Variants in SNPH observed in about 807,000 individuals in gnomAD.
The protein encoded by SNPH is syntaphilin.
In SNPH, 10 loss-of-function variants were observed where a neutral mutation model predicts 36.8. The ratio of observed to expected loss-of-function variants is 0.27; its 90% CI spans 0.17 to 0.46. The LOEUF (loss-of-function observed/expected upper bound fraction) is 0.46. SNPH is among the 20% of genes least tolerant of loss of function. The pLI is 1.00. For synonymous variants in SNPH, 281 were observed against 312.2 expected (o/e 0.90, Z 1.05); for missense variants, 622 against 744.0 (o/e 0.84, Z 1.91).
At chr20:1,300,512 G>A (rs975322862) in intron 5 of SNPH, 50 bp from the exon 6 acceptor site, 2 of 1,609,382 alleles carry the variant, frequency 1.2e-6, no homozygotes, top group East Asian at 2.2e-5. Flanking sequence ...AAGCACCTGT[G>A]CCTTGCCTGA....
Position 1,296,408 on chromosome 20 carries a change from G to A in SNPH, c.169G>A (p.Ala57Thr), listed in dbSNP as rs2088435433. 1 of 1,601,348 alleles carries A rather than the reference G, an allele frequency of 6.2e-7. No homozygotes were observed. The highest frequency in any genetic ancestry group is 1.4e-5 in the African/African-American group (1 of 73,892). ...CCTGCCAGGAAGTAGACGGACCTCT[G>A]CTGGATCACGCAGGTGAGTCTCCCC... Reference protein sequence around the residue: ...MSLPGSRRTSAGSRRRTSPPV... With the variant: ...MSLPGSRRTSTGSRRRTSPPV... Residue 57 changes from alanine to threonine, a missense_variant, in exon 4 of 7, where the codon GCT becomes ACT. Physicochemically the swap from Ala to Thr is moderately conservative, Grantham distance 58. Coordinates refer to ENST00000381867, the MANE Select transcript of SNPH (RefSeq NM_001318234.2).
At chr20:1,301,571 A>G (rs1178333164) in intron 6 of SNPH, among the ~76,000 whole-genome samples, 3 of 152,042 alleles carry the variant, frequency 2.0e-5, no homozygotes, top group Non-Finnish European at 2.9e-5. Context: ...TCACCTATCA[A>G]AAGTGTACAA....
At chr20:1,298,434 G>T (rs961450240) in intron 5 of SNPH, among the ~76,000 whole-genome samples, 2 of 152,194 alleles carry the variant, frequency 1.3e-5, no homozygotes, top group Non-Finnish European at 2.9e-5. Flanking sequence ...GATTTCTATC[G>T]TGACACACAT....
In SNPH at chr20:1,266,889, C is replaced by G; in HGVS notation, c.-493+129C>G. ...AGCCTAAGAGGGGTTAATCGTGACT[C>G]ATTCTTACCCTCCCTTCATTCCCCT... On this transcript the variant is annotated intron_variant, in intron 2 of 6. Transcript: ENST00000381867. This position sits in a 1 kb window ranked among gnomAD's most constrained non-coding sequence, Gnocchi z 6.0. 8.3e-7 allele frequency: 1 copy of G among 1,200,728 alleles called. No homozygotes were observed. Among genetic ancestry groups the G allele is most frequent in the African/African-American group, 1.6e-5 (1 of 63,430 alleles). The allele number at this position is 1,200,728 out of a possible 1,614,324, so 74.4% of individuals were successfully genotyped here.
chr20:1,293,750 C>G (rs141661518), intron 2 of SNPH, among the ~76,000 whole-genome samples: 1 of 152,134 alleles, frequency 6.6e-6, no homozygotes, highest in Non-Finnish European at 1.5e-5. Flanking sequence ...GTTAGCTATA[C>G]GCAGGTACAA....
At chr20:1,297,034 G>A (rs1369560927) in intron 4 of SNPH, 111 bp from the exon 5 acceptor site, 26 of 1,469,576 alleles carry the variant, frequency 1.8e-5, no homozygotes, top group Middle Eastern at 2.2e-4. Context: ...CTCCCCTGTG[G>A]TGACCCCAAA....
chr20:1,266,682 C>T lies in SNPH; in HGVS notation c.-571C>T, dbSNP rs575893552. The T allele has an allele frequency of 6.8e-7, 1 of 1,476,470 alleles. No individual in the cohort carries two copies. The highest frequency in any genetic ancestry group is 9.0e-7 in the Non-Finnish European group (1 of 1,116,710). The allele number at this position is 1,476,470 out of a possible 1,614,324, so 91.5% of individuals were successfully genotyped here. On this transcript the variant is annotated 5_prime_UTR_variant, in exon 2 of 7. Coordinates refer to ENST00000381867, the MANE Select transcript of SNPH (RefSeq NM_001318234.2). This position sits in a 1 kb window ranked among gnomAD's most constrained non-coding sequence, Gnocchi z 6.0. ...GCTGATCAGGGCCAGGCGGCTGCAG[C>T]AGCGACTGCAGAGGCGCTGCGCCAA...
Position 1,296,276 on chromosome 20 carries a change from C to G in SNPH, c.37C>G (p.Pro13Ala). The change falls in exon 4 of 7, where the codon CCT becomes GCT. Residue 13 changes from proline (P) to alanine (A), a missense_variant. Pro to Ala is a conservative substitution (Grantham distance 27, BLOSUM62 -1). This residue lies in a region of SNPH where 187 missense variants were observed against 209.4 expected (regional missense o/e 0.89). Transcript: ENST00000381867. ...GSGPSERMTW[P>A]GPALSAGPPT... Reference sequence around the variant, plus strand: ...CGGCCCCAGCGAGAGGATGACGTGGCCTGGCCCGGCCCTTTCTGCGGGCCC... The same window carrying G: ...CGGCCCCAGCGAGAGGATGACGTGGGCTGGCCCGGCCCTTTCTGCGGGCCC... The G allele has an allele frequency of 6.4e-7, 1 of 1,562,358 alleles. No individual in the cohort carries two copies. The highest frequency in any genetic ancestry group is 2.5e-5 in the East Asian group (1 of 40,022).
At chr20:1,299,277 C>T (rs1316170266) in intron 5 of SNPH, among the ~76,000 whole-genome samples, 4 of 152,206 alleles carry the variant, frequency 2.6e-5, no homozygotes, top group African/African-American at 9.7e-5. Context: ...CCAGGGCCTG[C>T]CTTTTCCAGG....
chr20:1,266,561 G>C lies in SNPH; in HGVS notation c.-599-93G>C. 7.2e-7 allele frequency: 1 copy of C among 1,379,480 alleles called. No homozygotes were observed. Among genetic ancestry groups the C allele is most frequent in the South Asian group, 1.8e-5 (1 of 56,236 alleles). The allele number at this position is 1,379,480 out of a possible 1,614,324, so 85.5% of individuals were successfully genotyped here. On this transcript the variant is annotated intron_variant, in intron 1 of 6. Coordinates refer to ENST00000381867, the MANE Select transcript of SNPH (RefSeq NM_001318234.2). This position sits in a 1 kb window ranked among gnomAD's most constrained non-coding sequence, Gnocchi z 6.0. ...GCCCTCCAAGCCTTCTGGCTGCAGC[G>C]GCCCAGCTGTCAGCGGCCGGGGGCT...
intron 6 of SNPH, 144 bp downstream of exon 6, chr20:1,300,855 C>T (rs1372571278): frequency 6.0e-6 from 5 of 832,496 alleles, no homozygotes; most frequent in Non-Finnish European, 9.1e-6. Flanking sequence ...AGCAAAGCCT[C>T]ATTTGAGCCC....
At position 1,294,635 on chromosome 20, in the gene SNPH, C is replaced by A. The variant is rs561578579; in HGVS notation, c.-492-316C>A. 2.0e-5 allele frequency among the ~76,000 whole-genome samples: 3 copies of A among 152,320 alleles called. No homozygotes were observed. The highest frequency in any genetic ancestry group is 3.9e-4 in the East Asian group (2 of 5,174). Reference sequence around the variant, plus strand: ...GCAGACAATGCTGGCTGTGTCCAGACCCTCCAGGGGAACAGGCTGTGTTCT... The same window carrying A: ...GCAGACAATGCTGGCTGTGTCCAGAACCTCCAGGGGAACAGGCTGTGTTCT... On this transcript the variant is annotated intron_variant, in intron 2 of 6. Coordinates refer to ENST00000381867, the MANE Select transcript of SNPH (RefSeq NM_001318234.2). This position sits in a 1 kb window ranked among gnomAD's most constrained non-coding sequence, Gnocchi z 4.4.
intron 5 of SNPH, among the ~76,000 whole-genome samples, chr20:1,298,688 G>T (rs1254131011): frequency 2.0e-5 from 3 of 152,014 alleles, no homozygotes; most frequent in Admixed American, 6.5e-5. Context: ...CCACAACAAG[G>T]GTTGCTGCCC....
At position 1,307,556 on chromosome 20, in the gene SNPH, C is replaced by T. The variant is rs888354523; in HGVS notation, c.*1502C>T. 1 of 152,536 alleles carries T rather than the reference C, an allele frequency of 6.6e-6. No homozygotes were observed. The highest frequency in any genetic ancestry group is 1.5e-5 in the Non-Finnish European group (1 of 68,146). 9.4% of individuals were successfully genotyped at this position (152,536 alleles called of 1,614,324 possible). ...TTGGAGGGACCCTGTGTCTTACTCGCCCCTCTGGCCTAAGGGCCACTCTGG... is the reference window on the plus strand; with the variant it reads ...TTGGAGGGACCCTGTGTCTTACTCGTCCCTCTGGCCTAAGGGCCACTCTGG... On this transcript the variant is annotated 3_prime_UTR_variant, in exon 7 of 7. Coordinates refer to ENST00000381867, the MANE Select transcript of SNPH (RefSeq NM_001318234.2).
intron 2 of SNPH, among the ~76,000 whole-genome samples, chr20:1,293,849 G>T (rs1440304356): frequency 6.6e-6 from 1 of 152,162 alleles, no homozygotes; most frequent in Admixed American, 6.5e-5. Flanking sequence ...CAAGATAGTG[G>T]CAGGGACAGC....
chr20:1,293,703 C>T (rs971853550), intron 2 of SNPH, among the ~76,000 whole-genome samples: 2 of 152,196 alleles, frequency 1.3e-5, no homozygotes, highest in Admixed American at 6.5e-5. Context: ...CCACCTTTGT[C>T]CCTAATGAAT....
At chr20:1,275,019 G>A (rs1420500761) in intron 2 of SNPH, among the ~76,000 whole-genome samples, 1 of 152,198 alleles carries the variant, frequency 6.6e-6, no homozygotes, top group African/African-American at 2.4e-5. Context: ...TCTTCTGTGA[G>A]GCAAGTGTCA....
chr20:1,278,468 C>T (rs1202886154), intron 2 of SNPH, among the ~76,000 whole-genome samples: 1 of 152,074 alleles, frequency 6.6e-6, no homozygotes, highest in Non-Finnish European at 1.5e-5. Flanking sequence ...AAACCATCAC[C>T]ACAATTAGGA....
intron 2 of SNPH, among the ~76,000 whole-genome samples, chr20:1,269,524 C>G (rs2088048259): frequency 6.6e-6 from 1 of 152,210 alleles, no homozygotes; most frequent in East Asian, 1.9e-4. Flanking sequence ...CCTCTTCATG[C>G]ATACCTTGCT....
Sources: gnomAD v4.1 joint callset for allele counts (sites outside exome capture counted in the v4.1 genomes callset) on GRCh38, gnomAD v4.1.1 for gene constraint, gnomAD v4.1.1 regional missense constraint, Gnocchi (gnomAD v3.1) non-coding constraint, MANE v1.5 for transcripts, NCBI Gene and HGNC (gene_info 2026-07-23, HGNC 2026-07-21) for gene names.